CCSER1: variants seen among roughly 807,000 people sequenced by gnomAD.
CCSER1 encodes serine-rich coiled-coil domain-containing protein 1.
In CCSER1, 41 loss-of-function variants were observed where a neutral mutation model predicts 82.0. The observed-to-expected ratio is 0.50, with a 90% CI of 0.39 to 0.65. CCSER1 has a LOEUF of 0.65. Ranked by LOEUF, CCSER1 falls within the 30% of genes least tolerant of loss-of-function variation. CCSER1 has a pLI of 0.00. For synonymous variants in CCSER1, 414 were observed against 383.9 expected (o/e 1.08, Z -0.92); for missense variants, 1,119 against 1,064.2 (o/e 1.05, Z -0.72).
At chr4:91,474,621 C>T (rs77816434) in intron 10 of CCSER1, among the ~76,000 whole-genome samples, 2,807 of 151,400 alleles carry the variant, frequency 0.019, 77 homozygotes, top group African/African-American at 0.061. Flanking sequence ...ATCAGGCTGC[C>T]TCATGATGGG....
chr4:90,305,451 A>C (rs953837994), intron 1 of CCSER1, among the ~76,000 whole-genome samples: 1 of 152,176 alleles, frequency 6.6e-6, no homozygotes, highest in Non-Finnish European at 1.5e-5. Flanking sequence ...TAAGTGAAAA[A>C]TATCGTGGCT....
intron 10 of CCSER1, among the ~76,000 whole-genome samples, chr4:91,579,932 G>A (rs1017613065): frequency 1.3e-5 from 2 of 151,828 alleles, no homozygotes; most frequent in African/African-American, 4.8e-5. Context: ...ATGAAGGAAT[G>A]ACCCTAGCTC....
rs780309086 is a variant in CCSER1, at chr4:90,308,593, G to T, written c.309G>T (p.Leu103=). 27 of 1,613,788 alleles carry T rather than the reference G, an allele frequency of 1.7e-5. No individual in the cohort carries two copies. The highest frequency in any genetic ancestry group is 2.1e-5 in the Non-Finnish European group (25 of 1,179,848). The change falls in exon 2 of 11, where the codon CTG becomes CTT. Residue 103 remains leucine, a synonymous_variant. Transcript: ENST00000509176. ...CTGGTCACAGCAATATGCAGAAACTGAGTTTGGAAGAACATATTAAGACCA... is the reference window on the plus strand; with the variant it reads ...CTGGTCACAGCAATATGCAGAAACTTAGTTTGGAAGAACATATTAAGACCA... The part of the protein sequence containing the change: ...AQPGHSNMQK[L]SLEEHIKTRG...
intron 10 of CCSER1, among the ~76,000 whole-genome samples, chr4:91,436,588 A>G (rs1206711840): frequency 6.6e-6 from 1 of 152,232 alleles, no homozygotes; most frequent in African/African-American, 2.4e-5. Context: ...GATTTACAGT[A>G]TACATAATGC....
chr4:91,197,021 C>A (rs1735495047), intron 10 of CCSER1, among the ~76,000 whole-genome samples: 1 of 152,126 alleles, frequency 6.6e-6, no homozygotes, highest in South Asian at 2.1e-4. Flanking sequence ...TAGTAATAAC[C>A]CTTTAAAATG....
At chr4:90,613,059 C>G (rs74875704) in intron 5 of CCSER1, among the ~76,000 whole-genome samples, 2 of 152,056 alleles carry the variant, frequency 1.3e-5, no homozygotes, top group Admixed American at 1.3e-4. Flanking sequence ...ATACACCCAA[C>G]GGTACACAGG....
chr4:90,472,145 A>G (rs183470749), intron 5 of CCSER1, among the ~76,000 whole-genome samples: 1 of 152,332 alleles, frequency 6.6e-6, no homozygotes, highest in African/African-American at 2.4e-5. Flanking sequence ...ATAAATTCAT[A>G]AATCATTGAG....
chr4:90,795,902 T>G (rs1048300437), intron 7 of CCSER1, among the ~76,000 whole-genome samples: 4 of 151,842 alleles, frequency 2.6e-5, no homozygotes, highest in African/African-American at 4.8e-5. Flanking sequence ...TTTGCCAGTA[T>G]TTTTTTGAGA....
At chr4:90,202,434 C>T (rs1737920766) in intron 1 of CCSER1, among the ~76,000 whole-genome samples, 1 of 152,094 alleles carries the variant, frequency 6.6e-6, no homozygotes, top group African/African-American at 2.4e-5. Context: ...AACTCCTGAC[C>T]TCAGGTGATT....
At chr4:90,701,764 GCTCT>G (rs1473606125) in intron 6 of CCSER1, among the ~76,000 whole-genome samples, 1 of 152,020 alleles carries the variant, frequency 6.6e-6, no homozygotes, top group Non-Finnish European at 1.5e-5. Flanking sequence ...TCATGATTTG[GCTCT>G]CTGTTTGTCT....
intron 10 of CCSER1, among the ~76,000 whole-genome samples, chr4:91,488,802 T>C (rs1236727027): frequency 6.6e-6 from 1 of 152,168 alleles, no homozygotes. Context: ...TTTATAGCAG[T>C]GCTAGAATGA....
intron 4 of CCSER1, among the ~76,000 whole-genome samples, chr4:90,419,711 A>T (rs1756398928): frequency 6.6e-6 from 1 of 151,896 alleles, no homozygotes; most frequent in South Asian, 2.1e-4. Flanking sequence ...TTTAAAAACT[A>T]TTATTGTAGT....
chr4:90,944,914 A>G (rs533424257), intron 9 of CCSER1, among the ~76,000 whole-genome samples: 5 of 152,326 alleles, frequency 3.3e-5, no homozygotes, highest in Non-Finnish European at 7.3e-5. Context: ...CACCATTGAC[A>G]TGAATGGTAA....
intron 9 of CCSER1, among the ~76,000 whole-genome samples, chr4:90,947,836 G>A (rs570286517): frequency 5.9e-5 from 9 of 152,158 alleles, no homozygotes; most frequent in Non-Finnish European, 1.2e-4. Context: ...CAAACAATAT[G>A]CTTTGCTTGA....
At chr4:91,073,798 C>G (rs527876858) in intron 9 of CCSER1, among the ~76,000 whole-genome samples, 1 of 152,146 alleles carries the variant, frequency 6.6e-6, no homozygotes, top group South Asian at 2.1e-4. Context: ...GAGTAAGAAC[C>G]TGTAAAAGGA....
intron 10 of CCSER1, among the ~76,000 whole-genome samples, chr4:91,091,289 CTA>C (rs1254885385): frequency 1.3e-5 from 2 of 152,134 alleles, no homozygotes; most frequent in African/African-American, 4.8e-5. Context: ...ATTTCAAAAA[CTA>C]TGGAAATGGG....
At chr4:91,460,697 G>A (rs1047027962) in intron 10 of CCSER1, among the ~76,000 whole-genome samples, 1 of 152,038 alleles carries the variant, frequency 6.6e-6, no homozygotes, top group Non-Finnish European at 1.5e-5. Flanking sequence ...TTCCACCCCA[G>A]TGTTTACTCT....
intron 10 of CCSER1, among the ~76,000 whole-genome samples, chr4:91,540,685 T>C (rs1170598667): frequency 6.6e-6 from 1 of 152,212 alleles, no homozygotes; most frequent in Non-Finnish European, 1.5e-5. Flanking sequence ...GTGTTTTACA[T>C]TGAGATCTCT....
intron 10 of CCSER1, among the ~76,000 whole-genome samples, chr4:91,472,353 C>A (rs1196326833): frequency 2.0e-5 from 3 of 152,132 alleles, no homozygotes; most frequent in Non-Finnish European, 4.4e-5. Context: ...ATAAAAGGAA[C>A]TCAAGAGTCT....
Sources: allele counts gnomAD v4.1 joint callset (sites outside exome capture counted in the v4.1 genomes callset), GRCh38; gene constraint gnomAD v4.1.1; transcripts MANE v1.5; gene names NCBI Gene and HGNC (gene_info 2026-07-23, HGNC 2026-07-21).